MCU: variants seen among roughly 807,000 people sequenced by gnomAD.
The protein encoded by MCU is calcium uniporter protein, mitochondrial.
Under a neutral mutation model 45.2 loss-of-function variants are expected in MCU, and 12 were observed. That is an observed-to-expected ratio of 0.27 (90% CI 0.17 to 0.43). The LOEUF is 0.43. MCU is among the 20% of genes least tolerant of loss of function. MCU has a pLI of 1.00. For synonymous variants in MCU, 160 were observed against 165.1 expected (o/e 0.97, Z 0.24); for missense variants, 324 against 436.7 (o/e 0.74, Z 2.30).
intron 1 of MCU, among the ~76,000 whole-genome samples, chr10:72,724,200 T>G (rs1259754861): frequency 2.6e-5 from 4 of 152,326 alleles, no homozygotes; most frequent in East Asian, 1.9e-4. Flanking sequence ...GTGTATGAGT[T>G]TATAGAATGT....
chr10:72,771,447 G>A (rs954364638), intron 1 of MCU, among the ~76,000 whole-genome samples: 2 of 152,066 alleles, frequency 1.3e-5, no homozygotes, highest in African/African-American at 2.4e-5. Flanking sequence ...TCATTGATGG[G>A]CATTTGGGTT....
chr10:72,780,551 T>TGTGTGTGTGTGTGTGTGTGTGTGTGG (rs1554823562), intron 1 of MCU, among the ~76,000 whole-genome samples: 1 of 143,932 alleles, frequency 6.9e-6, no homozygotes. Context: ...TGTGTGTGTG[T>TGTGTGTGTGTGTGTGTGTGTGTGTGG]TGGGTGAATT....
intron 1 of MCU, among the ~76,000 whole-genome samples, chr10:72,711,216 C>G (rs370408745): frequency 1.5e-3 from 223 of 148,078 alleles, no homozygotes; most frequent in African/African-American, 5.2e-3. Flanking sequence ...TATCCTTCTG[C>G]AAATCTTTTT....
intron 4 of MCU, among the ~76,000 whole-genome samples, chr10:72,868,225 T>C (rs1315361075): frequency 6.6e-6 from 1 of 152,164 alleles, no homozygotes; most frequent in African/African-American, 2.4e-5. Context: ...GAATTTACTT[T>C]TTACATTTGT....
chr10:72,794,269 GA>G, intron 1 of MCU, among the ~76,000 whole-genome samples: 1 of 152,228 alleles, frequency 6.6e-6, no homozygotes. Flanking sequence ...ACAGTGGTGG[GA>G]AAAACATAGG....
chr10:72,812,769 C>G (rs570296940), intron 1 of MCU, among the ~76,000 whole-genome samples: 2 of 150,024 alleles, frequency 1.3e-5, no homozygotes, highest in Admixed American at 1.3e-4. Context: ...TTCTTCAAAC[C>G]ATTACTGCTT....
intron 1 of MCU, among the ~76,000 whole-genome samples, chr10:72,697,992 C>G (rs1842711445): frequency 6.6e-6 from 1 of 151,152 alleles, no homozygotes; most frequent in South Asian, 2.1e-4. Context: ...GTTGCCCAAG[C>G]TGGTTTCTTA....
Position 72,866,522 on chromosome 10 carries a change from C to T in MCU, c.497-2181C>T, listed in dbSNP as rs559740023. On this transcript the variant is annotated intron_variant, in intron 4 of 7. Transcript: ENST00000373053. ...AGCGAGTCTCCAGCCTCAGCCTCCCCAGTAGCTGGGATTACAGGCATGCAC... is the reference window on the plus strand; with the variant it reads ...AGCGAGTCTCCAGCCTCAGCCTCCCTAGTAGCTGGGATTACAGGCATGCAC... Among the ~76,000 whole-genome samples the T allele has an allele frequency of 3.9e-5, 6 of 152,110 alleles. No individual in the cohort carries two copies. The East Asian group carries it at 9.7e-4, about 25-fold the overall frequency.
At position 72,767,342 on chromosome 10, in the gene MCU, G is replaced by A. The variant is rs375380400; in HGVS notation, c.151-67017G>A. On this transcript the variant is annotated intron_variant, in intron 1 of 7. Transcript: ENST00000373053. ...AGAAAACTGAGACACAGGTATTATA[G>A]AGGCTCAGAGATTACATAGGACTAT... Among the ~76,000 whole-genome samples, 227 of 152,248 alleles carry A rather than the reference G, an allele frequency of 1.5e-3. 9 individuals are homozygous for A. The South Asian group carries it at 0.045, about 30-fold the overall frequency.
chr10:72,857,483 C>T (rs962996496), intron 2 of MCU, among the ~76,000 whole-genome samples: 2 of 152,038 alleles, frequency 1.3e-5, no homozygotes, highest in Admixed American at 1.3e-4. Context: ...CATGATCTGC[C>T]CACCTCGGCC....
rs187399558 is a variant in MCU at position 72,749,426 on chromosome 10, A to G, written c.150+57125A>G. ...TAGAGTGTGAAGCTATTTATATGCA[A>G]TTATATAATGCAAAGAATATAATTT... On this transcript the variant is annotated intron_variant, in intron 1 of 7. Coordinates refer to ENST00000373053, the MANE Select transcript of MCU (RefSeq NM_138357.3). Among the ~76,000 whole-genome samples the G allele has an allele frequency of 6.6e-5, 10 of 152,348 alleles. No individual in the cohort carries two copies. The East Asian group carries it at 1.3e-3, about 21-fold the overall frequency.
At chr10:72,696,473 A>G (rs1186698765) in intron 1 of MCU, among the ~76,000 whole-genome samples, 2 of 152,098 alleles carry the variant, frequency 1.3e-5, no homozygotes, top group Admixed American at 6.6e-5. Flanking sequence ...TAGAGAAAAA[A>G]ACATTTCCTA....
intron 1 of MCU, among the ~76,000 whole-genome samples, chr10:72,766,151 A>G (rs978619885): frequency 1.3e-5 from 2 of 152,320 alleles, no homozygotes; most frequent in Admixed American, 1.3e-4. Context: ...TGCAGGCGTG[A>G]GCCACCATGA....
intron 2 of MCU, among the ~76,000 whole-genome samples, chr10:72,847,422 G>A (rs1845139662): frequency 6.6e-6 from 1 of 152,054 alleles, no homozygotes; most frequent in Admixed American, 6.6e-5. Context: ...CAACCTTCAG[G>A]GTGGCCATTC....
chr10:72,796,229 A>C (rs959969965), intron 1 of MCU, among the ~76,000 whole-genome samples: 2 of 152,180 alleles, frequency 1.3e-5, no homozygotes, highest in African/African-American at 4.8e-5. Context: ...GCTTGAGGAC[A>C]GGAGCTTGAG....
At chr10:72,692,331 A>AGGGCG in intron 1 of MCU, 30 bp downstream of exon 1, 1 of 1,193,064 alleles carries the variant, frequency 8.4e-7, no homozygotes, top group Non-Finnish European at 1.0e-6. Flanking sequence ...GGCTCCGGGG[A>AGGGCG]GGGCGGGGCG....
At chr10:72,749,537 T>C (rs1250342258) in intron 1 of MCU, among the ~76,000 whole-genome samples, 2 of 152,136 alleles carry the variant, frequency 1.3e-5, no homozygotes, top group African/African-American at 4.8e-5. Flanking sequence ...TATAGGGACT[T>C]GTGTTTGTAA....
chr10:72,840,969 A>T (rs1845039450), intron 2 of MCU, among the ~76,000 whole-genome samples: 2 of 152,348 alleles, frequency 1.3e-5, no homozygotes, highest in Non-Finnish European at 2.9e-5. Context: ...TTATGTGCTG[A>T]CAGTGAACTA....
chr10:72,837,022 A>G lies in MCU; in HGVS notation c.220+2594A>G, dbSNP rs149464358. Among the ~76,000 whole-genome samples, 362 of 152,288 alleles carry G rather than the reference A, an allele frequency of 2.4e-3. 1 individual carries two copies. Among genetic ancestry groups the G allele is most frequent in the Non-Finnish European group, 4.2e-3 (289 of 68,012 alleles). On this transcript the variant is annotated intron_variant, in intron 2 of 7. Coordinates refer to ENST00000373053, the MANE Select transcript of MCU (RefSeq NM_138357.3). ...TATAAGGTCTAAAATATCATATCCT[A>G]TAATTATGGTATTATATGCTTAGTA...
Sources: allele counts gnomAD v4.1 joint callset (sites outside exome capture counted in the v4.1 genomes callset), GRCh38; gene constraint gnomAD v4.1.1; transcripts MANE v1.5; gene names NCBI Gene and HGNC (gene_info 2026-07-23, HGNC 2026-07-21).